LZTFL1: variants seen among roughly 807,000 people sequenced by gnomAD.
The protein encoded by LZTFL1 is leucine zipper transcription factor-like protein 1.
In LZTFL1, 25 loss-of-function variants were observed where a neutral mutation model predicts 45.9. The ratio of observed to expected loss-of-function variants is 0.54; its 90% CI spans 0.40 to 0.76. The LOEUF is 0.76. LZTFL1 is among the 30% of genes least tolerant of loss of function. The pLI is 0.00. For synonymous variants in LZTFL1, 93 were observed against 117.4 expected (o/e 0.79, Z 1.35); for missense variants, 277 against 331.1 (o/e 0.84, Z 1.27).
At position 45,908,608 on chromosome 3, in the gene LZTFL1, G is replaced by C. The variant is rs565984130; in HGVS notation, c.-215+4512C>G. Among the ~76,000 whole-genome samples, 7 of 151,938 alleles carry C rather than the reference G, an allele frequency of 4.6e-5. No homozygotes were observed. In the East Asian group the frequency reaches 7.8e-4, roughly 17 times the overall value. On this transcript the variant is annotated intron_variant, in intron 2 of 4. Transcript: ENST00000472635. ...CGTTTGAGCTGAGAGCTGAAGAATG[G>C]ACAGGAATGACCTACAGGAAGCAGG...
intron 5 of LZTFL1, chr3:45,832,662 A>C: frequency 6.4e-6 from 1 of 157,262 alleles, no homozygotes; most frequent in Non-Finnish European, 1.4e-5. Flanking sequence ...CCCGGGTTCA[A>C]GCAATTCTCC....
At chr3:45,840,363 A>G (rs1245972771) in intron 1 of LZTFL1, among the ~76,000 whole-genome samples, 1 of 152,218 alleles carries the variant, frequency 6.6e-6, no homozygotes, top group Admixed American at 6.5e-5. Flanking sequence ...AAATCATTAG[A>G]GAGGAAATGG....
At chr3:45,880,770 C>A (rs1701843182) in intron 2 of LZTFL1, among the ~76,000 whole-genome samples, 1 of 152,114 alleles carries the variant, frequency 6.6e-6, no homozygotes, top group South Asian at 2.1e-4. Flanking sequence ...CTTCTTGTCA[C>A]TCAGGCCTTA....
intron 4 of LZTFL1, 26 bp downstream of exon 4, chr3:45,834,212 T>A (rs200991753): frequency 3.2e-5 from 46 of 1,427,776 alleles, no homozygotes; most frequent in Non-Finnish European, 9.8e-6. Context: ...TATTAAGATA[T>A]GGATTTAGAA....
At position 45,905,453 on chromosome 3, in the gene LZTFL1, CT is replaced by C. The variant is rs544054007; in HGVS notation, c.-215+7666del. Among the ~76,000 whole-genome samples, 295 of 152,360 alleles carry C rather than the reference CT, an allele frequency of 1.9e-3. 1 individual carries two copies. The highest frequency in any genetic ancestry group is 6.8e-3 in the African/African-American group (281 of 41,584). ...TATGTGTCTTTCCAACAGGTGATTC[CT>C]TATGAGGTCCTCTCCACATATTTAC... On this transcript the variant is annotated intron_variant, in intron 2 of 4. Transcript: ENST00000472635.
At chr3:45,846,946 T>C (rs776140041), upstream of LZTFL1, among the ~76,000 whole-genome samples, 16 of 152,224 alleles carry the variant, frequency 1.1e-4, no homozygotes, top group Non-Finnish European at 1.0e-4. Flanking sequence ...GCCTGCATAA[T>C]AGAAGGGTCC....
chr3:45,840,231 G>A (rs528904578), intron 1 of LZTFL1, among the ~76,000 whole-genome samples: 1 of 152,312 alleles, frequency 6.6e-6, no homozygotes, highest in South Asian at 2.1e-4. Context: ...CTTTAAAATG[G>A]ATTGGAATGA....
intron 2 of LZTFL1, among the ~76,000 whole-genome samples, chr3:45,897,390 T>C (rs1195522971): frequency 6.6e-6 from 1 of 152,182 alleles, no homozygotes; most frequent in African/African-American, 2.4e-5. Flanking sequence ...AGGTCCTTAA[T>C]TCTCACCCAG....
intron 6 of LZTFL1, 31 bp from the exon 7 acceptor site, chr3:45,831,021 G>C: frequency 6.2e-7 from 1 of 1,606,074 alleles, no homozygotes. Flanking sequence ...AACACTTTCA[G>C]TATTTAATCT....
upstream of LZTFL1, among the ~76,000 whole-genome samples, chr3:45,842,561 T>C (rs1334620081): frequency 1.3e-5 from 2 of 152,104 alleles, no homozygotes; most frequent in Admixed American, 6.5e-5. Context: ...GGTTCTCAAA[T>C]AGAGCTTCAA....
intron 4 of LZTFL1, 92 bp downstream of exon 4, chr3:45,834,146 G>T (rs142122366): frequency 7.4e-6 from 5 of 678,656 alleles, no homozygotes; most frequent in Non-Finnish European, 1.3e-5. Flanking sequence ...TTCCTTAAGA[G>T]TTCTCAGTTT....
chr3:45,866,383 C>A (rs1370721849), intron 2 of LZTFL1, among the ~76,000 whole-genome samples: 1 of 152,054 alleles, frequency 6.6e-6, no homozygotes, highest in African/African-American at 2.4e-5. Context: ...AATTTAAAAG[C>A]CCCTACACTT....
At chr3:45,839,559 T>C (rs1181847729) in intron 1 of LZTFL1, among the ~76,000 whole-genome samples, 2 of 152,212 alleles carry the variant, frequency 1.3e-5, no homozygotes, top group Non-Finnish European at 2.9e-5. Context: ...ATTTCCTGCC[T>C]TGACTTTCAC....
At chr3:45,841,950 T>A (rs779596100) in intron 1 of LZTFL1, 39 bp downstream of exon 1, 21 of 1,608,310 alleles carry the variant, frequency 1.3e-5, no homozygotes, top group Non-Finnish European at 1.4e-5. Flanking sequence ...CCGCGCTCTC[T>A]CCTGTGCGCG....
chr3:45,899,635 T>C (rs1702479935), intron 2 of LZTFL1, among the ~76,000 whole-genome samples: 1 of 152,202 alleles, frequency 6.6e-6, no homozygotes, highest in Non-Finnish European at 1.5e-5. Flanking sequence ...TGGTAGTCCC[T>C]GGTGGAATTT....
intron 5 of LZTFL1, among the ~76,000 whole-genome samples, chr3:45,832,146 G>A (rs760650510): frequency 7.9e-5 from 12 of 152,136 alleles, no homozygotes; most frequent in South Asian, 6.2e-4. Context: ...GCGTGAACCC[G>A]GGAGGTGGAG....
rs1328526904 is a variant in LZTFL1 at position 45,901,583 on chromosome 3, G to A, written c.-215+11537C>T. Reference sequence around the variant, plus strand: ...TCACTGTCCTGACCGTCTTTGTCTTGTCTCAGTTTCCCTACAACTGCATTT... The same window carrying A: ...TCACTGTCCTGACCGTCTTTGTCTTATCTCAGTTTCCCTACAACTGCATTT... On this transcript the variant is annotated intron_variant, in intron 2 of 4. Transcript: ENST00000472635. The surrounding 1 kb of genome is among the most constrained non-coding windows in gnomAD (Gnocchi z 4.3). 6.2e-7 allele frequency: 1 copy of A among 1,614,086 alleles called. No homozygotes were observed. The highest frequency in any genetic ancestry group is 8.5e-7 in the Non-Finnish European group (1 of 1,180,032).
intron 2 of LZTFL1, chr3:45,883,872 G>A (rs1701911983): frequency 7.6e-6 from 4 of 523,972 alleles, no homozygotes; most frequent in Middle Eastern, 5.7e-4. Flanking sequence ...TAAGCAGCTA[G>A]AAGCAGGCCC....
Position 45,900,836 on chromosome 3 carries a change from C to G in LZTFL1, c.-215+12284G>C, listed in dbSNP as rs771517303. ...GCCCTATTCCTAACATGGCTGATGA[C>G]TATGGCTCTGAATCCACATCTTCCA... On this transcript the variant is annotated intron_variant, in intron 2 of 4. Transcript: ENST00000472635. The surrounding 1 kb of genome is among the most constrained non-coding windows in gnomAD (Gnocchi z 4.7). 1 of 1,613,510 alleles carries G rather than the reference C, an allele frequency of 6.2e-7. No individual in the cohort carries two copies. The highest frequency in any genetic ancestry group is 8.5e-7 in the Non-Finnish European group (1 of 1,179,552).
Sources: gnomAD v4.1 joint callset for allele counts (sites outside exome capture counted in the v4.1 genomes callset) on GRCh38, gnomAD v4.1.1 for gene constraint, Gnocchi (gnomAD v3.1) non-coding constraint, MANE v1.5 for transcripts, NCBI Gene and HGNC (gene_info 2026-07-23, HGNC 2026-07-21) for gene names.